Variants in ABCB4 observed in about 807,000 individuals in gnomAD.
ABCB4 encodes the protein phosphatidylcholine translocator ABCB4.
Under a neutral mutation model 145.7 loss-of-function variants are expected in ABCB4, and 76 were observed. That is an observed-to-expected ratio of 0.52 (90% CI 0.43 to 0.63). The LOEUF (loss-of-function observed/expected upper bound fraction) is 0.63. Ranked by LOEUF, ABCB4 falls within the 30% of genes least tolerant of loss-of-function variation. The pLI, the probability that ABCB4 is intolerant of heterozygous loss-of-function variation, is 0.00. For missense variants in ABCB4, 1,234 were observed against 1,553.1 expected (o/e 0.79, Z 3.45); for synonymous variants, 517 against 566.8 (o/e 0.91, Z 1.25).
At chr7:87,472,265 C>A (rs45488695) in intron 3 of ABCB4, among the ~76,000 whole-genome samples, 3,617 of 152,238 alleles carry the variant, frequency 0.024, 140 homozygotes, top group African/African-American at 0.083. Flanking sequence ...GCCACCCAGG[C>A]TGGAGTGCAG....
intron 26 of ABCB4, among the ~76,000 whole-genome samples, chr7:87,405,432 T>C (rs1034231372): frequency 2.0e-5 from 3 of 149,314 alleles, no homozygotes; most frequent in Admixed American, 2.0e-4. Context: ...TGTATCTTTT[T>C]TTTTTTTTTT....
chr7:87,428,383 G>A (rs6956661), intron 15 of ABCB4, among the ~76,000 whole-genome samples: 10,646 of 152,104 alleles, frequency 0.07, 390 homozygotes, highest in South Asian at 0.14. Context: ...TTCCACCCAG[G>A]TATACTTCAG....
intron 3 of ABCB4, among the ~76,000 whole-genome samples, chr7:87,471,016 C>T (rs1242499904): frequency 2.6e-5 from 4 of 152,262 alleles, no homozygotes; most frequent in Admixed American, 2.6e-4. Flanking sequence ...GGCACATATA[C>T]ACCATGGAAT....
At chr7:87,381,348 A>G in the ABCB4 span, among the ~76,000 whole-genome samples, 1 of 152,346 alleles carries the variant, frequency 6.6e-6, no homozygotes, top group African/African-American at 2.4e-5. Context: ...AACCTGAAAC[A>G]GCCCCGTAAC....
At chr7:87,426,659 G>T in intron 16 of ABCB4, 91 bp downstream of exon 16, 1 of 1,348,304 alleles carries the variant, frequency 7.4e-7, no homozygotes, top group Non-Finnish European at 1.1e-6. Context: ...GCAGTCATCT[G>T]TGCCTGAAAA....
intron 3 of ABCB4, 92 bp downstream of exon 3, chr7:87,472,529 A>T: frequency 8.6e-7 from 1 of 1,157,202 alleles, no homozygotes; most frequent in Non-Finnish European, 1.3e-6. Context: ...TAGCTAGACA[A>T]TCTTAAAGTA....
chr7:87,375,377 T>C, the ABCB4 span: 1 of 402,522 alleles, frequency 2.5e-6, no homozygotes, highest in East Asian at 4.7e-5. Flanking sequence ...AAAGTATATA[T>C]CAGCGAAACT....
At chr7:87,398,773 T>G, downstream of ABCB4, 1 of 859,228 alleles carries the variant, frequency 1.2e-6, no homozygotes, top group Non-Finnish European at 1.8e-6. Flanking sequence ...GAAAACTTGT[T>G]AAATGTAGAA....
At chr7:87,455,582 C>T (rs45582338) in intron 4 of ABCB4, among the ~76,000 whole-genome samples, 3,622 of 152,252 alleles carry the variant, frequency 0.024, 141 homozygotes, top group African/African-American at 0.083. Flanking sequence ...CTATACTATA[C>T]TGATTTATTC....
At chr7:87,402,623 G>A (rs964309084) in intron 27 of ABCB4, among the ~76,000 whole-genome samples, 2 of 152,038 alleles carry the variant, frequency 1.3e-5, no homozygotes, top group Non-Finnish European at 2.9e-5. Context: ...TGTAATTTGT[G>A]CAGCTTTTTT....
Position 87,462,809 on chromosome 7 carries a change from C to G in ABCB4, c.235G>C (p.Gly79Arg), listed in dbSNP as rs2116898414. ...TCAACAAATTTGTCAGTCATCTCTC[C>G]AAATACTATCATCATGAGGGGGAGA... ...SGLPLMMIVF[G>R]EMTDKFVDTA... is the part of the protein sequence containing the mutation. Residue 79 changes from glycine to arginine, a missense_variant, in exon 4 of 28, where the codon GGA (glycine) becomes CGA (arginine). Transcript: ENST00000649586. 6.2e-7 allele frequency: 1 copy of G among 1,613,908 alleles called. No homozygotes were observed. The highest frequency in any genetic ancestry group is 8.5e-7 in the Non-Finnish European group (1 of 1,179,900).
chr7:87,468,659 G>A (rs966915270), intron 3 of ABCB4, among the ~76,000 whole-genome samples: 12 of 152,166 alleles, frequency 7.9e-5, no homozygotes, highest in East Asian at 1.9e-4. Context: ...AACCGTGGGC[G>A]CGGTGGCTCA....
At chr7:87,405,097 C>T (rs1808085149) in intron 26 of ABCB4, among the ~76,000 whole-genome samples, 1 of 152,076 alleles carries the variant, frequency 6.6e-6, no homozygotes. Flanking sequence ...TTTGCAATAG[C>T]CAGAAACAGG....
intron 15 of ABCB4, among the ~76,000 whole-genome samples, chr7:87,427,328 G>T (rs1291967978): frequency 1.3e-5 from 2 of 151,922 alleles, no homozygotes; most frequent in African/African-American, 4.8e-5. Context: ...GAATCAAAGG[G>T]CCTGGTCACT....
chr7:87,471,329 C>T (rs1340961144), intron 3 of ABCB4, among the ~76,000 whole-genome samples: 3 of 151,436 alleles, frequency 2.0e-5, no homozygotes, highest in Non-Finnish European at 2.9e-5. Context: ...CAAACCTGCA[C>T]GTTATGCACA....
chr7:87,367,367 C>G, the ABCB4 span, among the ~76,000 whole-genome samples: 1 of 152,090 alleles, frequency 6.6e-6, no homozygotes, highest in Non-Finnish European at 1.5e-5. Context: ...AGGAAGGAAA[C>G]CAATTTTCTT....
intron 4 of ABCB4, among the ~76,000 whole-genome samples, chr7:87,461,338 C>A (rs1812447286): frequency 6.6e-6 from 1 of 152,144 alleles, no homozygotes; most frequent in Non-Finnish European, 1.5e-5. Context: ...ATAAGCAATC[C>A]ATTTAAAACT....
intron 7 of ABCB4, among the ~76,000 whole-genome samples, chr7:87,451,162 G>A (rs1245518190): frequency 1.4e-5 from 2 of 141,620 alleles, no homozygotes; most frequent in East Asian, 4.1e-4. Flanking sequence ...TTGAGATGAA[G>A]TCTTACTCTG....
rs1224482714 is a variant in ABCB4, at chr7:87,413,500, G to T, written c.2783+117C>A. The T allele has an allele frequency of 9.7e-6, 7 of 718,838 alleles. No homozygotes were observed. The South Asian group carries it at 1.1e-4, about 11-fold the overall frequency. 44.5% of individuals were successfully genotyped at this position (718,838 alleles called of 1,614,324 possible). A position where few individuals can be genotyped will look rare whatever the true frequency, so the allele number is the denominator to read the frequency against. ...TCAGTGACAGAATTGTTGAAAAAAG[G>T]CCACCCTTATAGTCATATCATTGTT... is the stretch of plus-strand genomic sequence containing the variant. On this transcript the variant is annotated intron_variant, in intron 22 of 27. Coordinates refer to ENST00000649586, the MANE Select transcript of ABCB4 (RefSeq NM_000443.4).
Sources: gnomAD v4.1 joint callset for allele counts (sites outside exome capture counted in the v4.1 genomes callset) on GRCh38, gnomAD v4.1.1 for gene constraint, MANE v1.5 for transcripts, NCBI Gene and HGNC (gene_info 2026-07-23, HGNC 2026-07-21) for gene names.